MAP3K13: variants seen among roughly 807,000 people sequenced by gnomAD.
MAP3K13 encodes the protein mitogen-activated protein kinase kinase kinase 13.
MAP3K13 carries 52 observed loss-of-function variants against 104.0 expected under a neutral mutation model. The observed-to-expected ratio is 0.50, with a 90% confidence interval of 0.40 to 0.63. MAP3K13 has a LOEUF of 0.63. Ranked by LOEUF, MAP3K13 falls within the 20% of genes least tolerant of loss-of-function variation. The probability of loss-of-function intolerance (pLI) is 0.00; values close to 1 mark genes in which losing one functional copy is unlikely to be tolerated. For synonymous variants in MAP3K13, 394 were observed against 442.2 expected (o/e 0.89, Z 1.37); for missense variants, 914 against 1,218.5 (o/e 0.75, Z 3.72).
At chr3:185,327,603 T>C (rs1210944670) in intron 2 of MAP3K13, among the ~76,000 whole-genome samples, 1 of 152,108 alleles carries the variant, frequency 6.6e-6, no homozygotes, top group Non-Finnish European at 1.5e-5. Flanking sequence ...TGGTTGCTGC[T>C]TCAAAGGCTA....
In MAP3K13 at chr3:185,477,482, G is replaced by A. The variant is rs145091547; in HGVS notation, c.2501+86G>A. The stretch of plus-strand genomic sequence containing the variant: ...TGCCACACCTGCTCTTCAACCACAG[G>A]TGATTCCCTGGCAGCCACCTTATAG... On this transcript the variant is annotated intron_variant, in intron 12 of 13. Transcript: ENST00000265026. 3.3e-4 allele frequency: 317 copies of A among 961,098 alleles called. 3 individuals are homozygous for A. The East Asian group carries it at 7.7e-3, about 23-fold the overall frequency. 59.5% of individuals were successfully genotyped at this position (961,098 alleles called of 1,614,324 possible). A position where few individuals can be genotyped will look rare whatever the true frequency, so the allele number is the denominator to read the frequency against.
intron 2 of MAP3K13, among the ~76,000 whole-genome samples, chr3:185,296,903 G>C (rs1437628621): frequency 6.6e-6 from 1 of 152,172 alleles, no homozygotes; most frequent in Non-Finnish European, 1.5e-5. Flanking sequence ...GGGACATAAA[G>C]AGAATAAGAC....
rs1186786877 is a variant in MAP3K13, at chr3:185,418,257, A to T, written c.-85-10240A>T. On this transcript the variant is annotated intron_variant, in intron 1 of 13. Transcript: ENST00000265026. The surrounding 1 kb of genome is among the most constrained non-coding windows in gnomAD (Gnocchi z 4.5). Reference sequence around the variant, plus strand: ...CCTTTTCGATATCATTCCAGGCTTTAAGTTTCTTAAGGAGCAAAACAGCTT... The same window carrying T: ...CCTTTTCGATATCATTCCAGGCTTTTAGTTTCTTAAGGAGCAAAACAGCTT... 6.3e-7 allele frequency: 1 copy of T among 1,599,500 alleles called. No homozygotes were observed. The highest frequency in any genetic ancestry group is 1.3e-5 in the African/African-American group (1 of 74,558).
intron 7 of MAP3K13, among the ~76,000 whole-genome samples, chr3:185,454,893 TGA>T (rs1412550735): frequency 2.0e-5 from 2 of 101,570 alleles, no homozygotes; most frequent in African/African-American, 3.9e-5. Context: ...GATATATATA[TGA>T]GATATATATA....
Position 185,480,381 on chromosome 3 carries a change from A to G in MAP3K13, c.2651A>G (p.Lys884Arg), listed in dbSNP as rs1288224521. The G allele has an allele frequency of 6.2e-7, 1 of 1,614,204 alleles. No individual in the cohort carries two copies. The highest frequency in any genetic ancestry group is 2.2e-5 in the East Asian group (1 of 44,878). The stretch of plus-strand genomic sequence containing the variant: ...AAACTTGAAGACCGCTTGGCAGAGA[A>G]GCTAGACGACCTGCTGTCCCAGACG... ...ADKLEDRLAE[K>R]LDDLLSQTPE... The change falls in exon 13 of 14, where the codon AAG (lysine) becomes AGG (arginine). Residue 884 changes from lysine to arginine, a missense_variant. Lys to Arg is a conservative substitution (Grantham distance 26). Around this residue, in one of 3 missense-constraint regions of MAP3K13, gnomAD observed 583 missense variants for 737.4 expected, o/e 0.79. Coordinates refer to ENST00000265026, the MANE Select transcript of MAP3K13 (RefSeq NM_004721.5).
intron 2 of MAP3K13, among the ~76,000 whole-genome samples, chr3:185,294,753 T>G (rs935661344): frequency 6.6e-6 from 1 of 152,246 alleles, no homozygotes; most frequent in Non-Finnish European, 1.5e-5. Context: ...TACCTCTCCA[T>G]GTAGGAAGTA....
chr3:185,314,597 G>A (rs1348645000), intron 2 of MAP3K13, among the ~76,000 whole-genome samples: 1 of 151,530 alleles, frequency 6.6e-6, no homozygotes, highest in African/African-American at 2.4e-5. Context: ...GCCTGGGTGA[G>A]AGCAACTCCA....
chr3:185,400,495 A>T (rs529022190), intron 1 of MAP3K13, among the ~76,000 whole-genome samples: 360 of 152,348 alleles, frequency 2.4e-3, no homozygotes, highest in Non-Finnish European at 3.4e-3. Context: ...ATTAACATAG[A>T]TGATTAACAT....
exon 2 of MAP3K13, chr3:185,285,626 C>G: frequency 6.5e-7 from 1 of 1,535,232 alleles, no homozygotes; most frequent in Non-Finnish European, 8.7e-7. Context: ...GCATTCAAAT[C>G]CTAGCACTCT....
chr3:185,424,648 A>G (rs750208607), intron 1 of MAP3K13, among the ~76,000 whole-genome samples: 1 of 152,214 alleles, frequency 6.6e-6, no homozygotes, highest in Non-Finnish European at 1.5e-5. Context: ...AAACACTACA[A>G]ACCAGATTGC....
At chr3:185,460,160 G>A (rs369984283) in intron 7 of MAP3K13, among the ~76,000 whole-genome samples, 1 of 152,020 alleles carries the variant, frequency 6.6e-6, no homozygotes, top group East Asian at 1.9e-4. Flanking sequence ...CCACTTATCC[G>A]TGGTACATTC....
intron 1 of MAP3K13, among the ~76,000 whole-genome samples, chr3:185,365,286 C>A (rs752675680): frequency 1.3e-5 from 2 of 152,054 alleles, no homozygotes; most frequent in Admixed American, 1.3e-4. Flanking sequence ...CAATAAAATC[C>A]TGTGTATCAG....
intron 7 of MAP3K13, among the ~76,000 whole-genome samples, chr3:185,454,504 G>A (rs1434883820): frequency 1.0e-5 from 1 of 98,228 alleles, no homozygotes; most frequent in Non-Finnish European, 1.9e-5. Flanking sequence ...ACATATATAT[G>A]AGATATATAT....
chr3:185,297,845 C>T (rs1002860545), intron 2 of MAP3K13, among the ~76,000 whole-genome samples: 4 of 152,010 alleles, frequency 2.6e-5, no homozygotes, highest in African/African-American at 9.7e-5. Context: ...AGAAATTTTT[C>T]ACCAATACAG....
chr3:185,381,797 T>C (rs1724733830), intron 1 of MAP3K13, among the ~76,000 whole-genome samples: 1 of 152,232 alleles, frequency 6.6e-6, no homozygotes, highest in Non-Finnish European at 1.5e-5. Context: ...TTATGCAAAG[T>C]GTCCTTAAAC....
chr3:185,329,893 C>CTTTTTT lies in MAP3K13; in HGVS notation c.-86+44266_-86+44271dup, dbSNP rs71162293. Reference sequence around the variant, plus strand: ...ATAAAAGGTCGAATTAGCCAGTAGCCTTTTTTTTTTTTTTTTTTTTTGAGA... The same window carrying CTTTTTT: ...ATAAAAGGTCGAATTAGCCAGTAGCCTTTTTTTTTTTTTTTTTTTTTTTTTTTGAGA... On this transcript the variant is annotated intron_variant, in intron 2 of 14. Coordinates refer to the MAP3K13 transcript ENST00000424227. Among the ~76,000 whole-genome samples the CTTTTTT allele has an allele frequency of 1.2e-4, 13 of 104,674 alleles. 1 individual carries two copies. The highest frequency in any genetic ancestry group is 1.4e-4 in the Non-Finnish European group (8 of 55,454). The allele number at this position is 104,674 out of a possible 152,430, so 68.7% of individuals were successfully genotyped here.
intron 2 of MAP3K13, among the ~76,000 whole-genome samples, chr3:185,299,933 T>C (rs1378665534): frequency 6.6e-6 from 1 of 152,176 alleles, no homozygotes; most frequent in Non-Finnish European, 1.5e-5. Flanking sequence ...TATATATTGT[T>C]GTGAAACAGA....
At chr3:185,374,335 G>A (rs899687829) in intron 1 of MAP3K13, among the ~76,000 whole-genome samples, 4 of 152,154 alleles carry the variant, frequency 2.6e-5, no homozygotes, top group East Asian at 1.9e-4. Context: ...GATAATGGGC[G>A]ATGTTTCTCA....
At chr3:185,427,248 C>T (rs1714478377) in intron 1 of MAP3K13, among the ~76,000 whole-genome samples, 1 of 151,606 alleles carries the variant, frequency 6.6e-6, no homozygotes, top group Non-Finnish European at 1.5e-5. Flanking sequence ...CCTGTAATCC[C>T]AGCTACTCAG....
Sources: allele counts gnomAD v4.1 joint callset (sites outside exome capture counted in the v4.1 genomes callset), GRCh38; gene constraint gnomAD v4.1.1; regional missense constraint gnomAD v4.1.1; non-coding constraint Gnocchi (gnomAD v3.1); transcripts MANE v1.5; gene names NCBI Gene and HGNC (gene_info 2026-07-23, HGNC 2026-07-21).